The following MLF1 variants were observed in gnomAD, a reference collection of about 807,000 sequenced individuals.
MLF1 encodes myeloid leukemia factor 1, also known as myelodysplasia-myeloid leukemia factor 1.
A neutral mutation model predicts 38.3 loss-of-function variants in MLF1; 37 were observed. That is an observed-to-expected ratio of 0.96 (90% CI 0.74 to 1.27). MLF1 has a LOEUF of 1.27. Among genes scored for constraint, MLF1 ranks in the 50% most tolerant of loss-of-function variants. MLF1 has a pLI of 0.00. For missense variants in MLF1, 331 were observed against 349.2 expected (o/e 0.95, Z 0.42); for synonymous variants, 95 against 106.5 (o/e 0.89, Z 0.66).
intron 1 of MLF1, among the ~76,000 whole-genome samples, chr3:158,585,916 C>T (rs1717173504): frequency 6.6e-6 from 1 of 152,146 alleles, no homozygotes; most frequent in Admixed American, 6.5e-5. Context: ...AATCCCAGCA[C>T]TTTGGGATGC....
At chr3:158,583,436 A>T (rs1716719749) in intron 1 of MLF1, among the ~76,000 whole-genome samples, 1 of 152,206 alleles carries the variant, frequency 6.6e-6, no homozygotes, top group African/African-American at 2.4e-5. Context: ...AAAGAAATAA[A>T]GGGAAAGAAA....
At chr3:158,601,369 AC>A (rs1176424419) in intron 6 of MLF1, among the ~76,000 whole-genome samples, 4 of 152,102 alleles carry the variant, frequency 2.6e-5, no homozygotes, top group Non-Finnish European at 1.5e-5. Flanking sequence ...GGAGTTCAAG[AC>A]CAGCCTGACC....
At chr3:158,578,275 G>A (rs1412728409) in intron 1 of MLF1, among the ~76,000 whole-genome samples, 1 of 152,082 alleles carries the variant, frequency 6.6e-6, no homozygotes, top group Non-Finnish European at 1.5e-5. Context: ...AGCCTGCCAT[G>A]TCAGTTATCT....
intron 7 of MLF1, among the ~76,000 whole-genome samples, 197 bp downstream of exon 7, chr3:158,603,136 G>A (rs914812760): frequency 6.6e-6 from 1 of 152,124 alleles, no homozygotes. Flanking sequence ...ATCAATAATA[G>A]TTTAGGATTT....
intron 3 of MLF1, 69 bp from the exon 4 acceptor site, chr3:158,596,793 T>G: frequency 1.0e-6 from 1 of 958,662 alleles, no homozygotes; most frequent in Non-Finnish European, 1.6e-6. Flanking sequence ...TTTAGCTGTT[T>G]TGGAAGATGT....
intron 1 of MLF1, 70 bp from the exon 2 acceptor site, chr3:158,592,364 A>G (rs6771248): frequency 0.52 from 695,326 of 1,336,984 alleles, 184,582 homozygotes; most frequent in African/African-American, 0.72. Context: ...ATTATTTGTA[A>G]TATTTACCTG....
At chr3:158,595,065 C>T (rs114352123) in intron 3 of MLF1, among the ~76,000 whole-genome samples, 1,661 of 152,144 alleles carry the variant, frequency 0.011, 42 homozygotes, top group African/African-American at 0.038. Flanking sequence ...TAGACAAAAT[C>T]GCCCTGCCCT....
At chr3:158,585,950 T>C (rs1717180241) in intron 1 of MLF1, among the ~76,000 whole-genome samples, 1 of 152,004 alleles carries the variant, frequency 6.6e-6, no homozygotes, top group South Asian at 2.1e-4. Context: ...TTGCCTGAGG[T>C]CAGGAGTTCG....
chr3:158,579,422 T>TTC (rs1416649331), intron 1 of MLF1, among the ~76,000 whole-genome samples: 1 of 152,190 alleles, frequency 6.6e-6, no homozygotes, highest in East Asian at 1.9e-4. Flanking sequence ...TCCTGAATGG[T>TTC]TCAGACAGTT....
chr3:158,593,855 C>T (rs920657517), intron 3 of MLF1, among the ~76,000 whole-genome samples: 2 of 152,142 alleles, frequency 1.3e-5, no homozygotes, highest in Non-Finnish European at 2.9e-5. Flanking sequence ...CCACCTTGCC[C>T]AGGCAGCTTT....
intron 1 of MLF1, among the ~76,000 whole-genome samples, chr3:158,571,651 T>G (rs1010483011): frequency 5.1e-3 from 24 of 4,748 alleles, no homozygotes; most frequent in South Asian, 9.6e-3. Flanking sequence ...AGGCTGGGAG[T>G]GGGGGGAGAA....
rs1317722338 is a variant in MLF1, at chr3:158,596,962, A to G, written c.324+17A>G. On this transcript the variant is annotated intron_variant, in intron 4 of 7. Transcript: ENST00000466246. Reference sequence around the variant, plus strand: ...AGAAACTTCGTAAGTACTAAAAACAAAGCATTGAGAACATTGTGTATACTT... The same window carrying G: ...AGAAACTTCGTAAGTACTAAAAACAGAGCATTGAGAACATTGTGTATACTT... The G allele has an allele frequency of 6.8e-7, 1 of 1,477,634 alleles. No homozygotes were observed. Among genetic ancestry groups the G allele is most frequent in the Non-Finnish European group, 9.4e-7 (1 of 1,062,028 alleles). The allele number at this position is 1,477,634 out of a possible 1,614,324, so 91.5% of individuals were successfully genotyped here.
chr3:158,598,035 T>G (rs1435467428), intron 4 of MLF1, 45 bp from the exon 5 acceptor site: 1 of 1,597,336 alleles, frequency 6.3e-7, no homozygotes, highest in Admixed American at 1.7e-5. Context: ...TGGCAATAAT[T>G]ATTTATATTT....
chr3:158,574,506 A>AAAAAAAT (rs1461989047), intron 1 of MLF1, among the ~76,000 whole-genome samples: 9 of 36,366 alleles, frequency 2.5e-4, no homozygotes, highest in African/African-American at 7.9e-4. Context: ...CATCTGTACT[A>AAAAAAAT]AAAAAAAAAA....
intron 1 of MLF1, among the ~76,000 whole-genome samples, chr3:158,591,388 G>A (rs61292339): frequency 6.6e-6 from 1 of 151,694 alleles, no homozygotes; most frequent in Admixed American, 6.6e-5. Flanking sequence ...TTGAACTCCC[G>A]ACCTCAAGCA....
At chr3:158,595,744 CATT>C (rs1428273776) in intron 3 of MLF1, among the ~76,000 whole-genome samples, 1 of 152,088 alleles carries the variant, frequency 6.6e-6, no homozygotes, top group Non-Finnish European at 1.5e-5. Flanking sequence ...ACCTATTTTA[CATT>C]ATTATATCTG....
At chr3:158,572,947 G>A (rs1714770816) in intron 1 of MLF1, among the ~76,000 whole-genome samples, 1 of 151,662 alleles carries the variant, frequency 6.6e-6, no homozygotes, top group Non-Finnish European at 1.5e-5. Context: ...GCCGGACTTT[G>A]GGTGCCCGTC....
intron 1 of MLF1, among the ~76,000 whole-genome samples, chr3:158,574,331 A>G (rs929859689): frequency 3.9e-5 from 6 of 151,918 alleles, no homozygotes; most frequent in Non-Finnish European, 5.9e-5. Context: ...GGACAGTGTT[A>G]TTTTAACAGG....
In MLF1 at chr3:158,605,184, G is replaced by GA; in HGVS notation, c.838dup (p.Ser280LysfsTer21). ...AACTCCACATCAAAGGCTCATCTGT[G>GA]AAAAGCAACAAAAAATAAATAGCCA... On this transcript the variant is annotated frameshift_variant, in exon 8 of 8. Transcript: ENST00000466246. LOFTEE classifies it high-confidence loss of function. The GA allele has an allele frequency of 6.2e-7, 1 of 1,612,728 alleles. No homozygotes were observed. The highest frequency in any genetic ancestry group is 8.5e-7 in the Non-Finnish European group (1 of 1,179,354).
Sources: allele counts gnomAD v4.1 joint callset (sites outside exome capture counted in the v4.1 genomes callset), GRCh38; gene constraint gnomAD v4.1.1; transcripts MANE v1.5; gene names NCBI Gene and HGNC (gene_info 2026-07-23, HGNC 2026-07-21).